Variants in OR9Q1 observed in about 807,000 individuals in gnomAD.
OR9Q1 encodes the protein olfactory receptor family 9 subfamily Q member 1, also known as olfactory receptor 9Q1.
For missense variants in OR9Q1, 374 were observed against 378.8 expected (o/e 0.99, Z 0.11); for synonymous variants, 153 against 148.6 (o/e 1.03, Z -0.22).
intron 2 of OR9Q1, chr11:58,119,554 G>T: frequency 2.8e-6 from 2 of 725,960 alleles, no homozygotes; most frequent in Non-Finnish European, 4.5e-6. Context: ...TTAATTCTGG[G>T]TCTATTTGTA....
intron 2 of OR9Q1, among the ~76,000 whole-genome samples, chr11:58,136,438 A>G (rs1234190622): frequency 1.3e-5 from 2 of 152,130 alleles, no homozygotes; most frequent in African/African-American, 4.8e-5. Context: ...CCAGCAACTC[A>G]GTTGATCTAA....
chr11:58,031,365 C>T, intron 1 of OR9Q1: 1 of 1,614,204 alleles, frequency 6.2e-7, no homozygotes, highest in Non-Finnish European at 8.5e-7. Context: ...CACTATGGGG[C>T]TTTTGTGTCC....
intron 2 of OR9Q1, among the ~76,000 whole-genome samples, chr11:58,172,371 TTGAA>T (rs1377788683): frequency 6.6e-6 from 1 of 152,190 alleles, no homozygotes; most frequent in African/African-American, 2.4e-5. Flanking sequence ...TACGATGTCA[TTGAA>T]TGTGTGTAGA....
intron 1 of OR9Q1, among the ~76,000 whole-genome samples, chr11:58,027,828 T>G (rs1328394821): frequency 1.3e-5 from 2 of 152,200 alleles, no homozygotes; most frequent in Non-Finnish European, 2.9e-5. Flanking sequence ...CAAGAGCAGA[T>G]CCTTTCAATG....
intron 2 of OR9Q1, among the ~76,000 whole-genome samples, chr11:58,061,385 G>A (rs548720661): frequency 7.1e-4 from 108 of 152,308 alleles, no homozygotes; most frequent in African/African-American, 2.6e-3. Flanking sequence ...GAGGGTTTAA[G>A]TACCAGGCCC....
chr11:58,075,558 T>G (rs1044899112), intron 2 of OR9Q1: 1 of 152,210 alleles, frequency 6.6e-6, no homozygotes, highest in Non-Finnish European at 1.5e-5. Context: ...ATTAGTTCCT[T>G]TCTGAAAGAG....
chr11:58,081,992 C>G (rs1171737029), intron 2 of OR9Q1, among the ~76,000 whole-genome samples: 1 of 151,944 alleles, frequency 6.6e-6, no homozygotes, highest in Non-Finnish European at 1.5e-5. Context: ...ATTTATGCAG[C>G]CAAAAGACAC....
At chr11:58,060,999 C>A (rs2167358) in intron 2 of OR9Q1, among the ~76,000 whole-genome samples, 1 of 151,930 alleles carries the variant, frequency 6.6e-6, no homozygotes, top group East Asian at 1.9e-4. Flanking sequence ...TGTTCGAGTT[C>A]ATGCCTTTTC....
chr11:58,091,560 C>G (rs1182593049), intron 2 of OR9Q1, among the ~76,000 whole-genome samples: 1 of 152,074 alleles, frequency 6.6e-6, no homozygotes, highest in East Asian at 1.9e-4. Flanking sequence ...TGTTTTACTT[C>G]TAATTATGTG....
intron 2 of OR9Q1, among the ~76,000 whole-genome samples, chr11:58,069,883 C>A (rs1359549218): frequency 6.6e-6 from 1 of 151,704 alleles, no homozygotes; most frequent in East Asian, 2.0e-4. Flanking sequence ...CAACAAAAAA[C>A]CAAACCAAAC....
chr11:58,034,990 G>A (rs1489089912), intron 1 of OR9Q1, among the ~76,000 whole-genome samples: 2 of 151,760 alleles, frequency 1.3e-5, no homozygotes, highest in Admixed American at 6.6e-5. Flanking sequence ...ATCAAACCTG[G>A]CTAATTTTTA....
At chr11:58,128,766 T>C (rs1027066624) in intron 2 of OR9Q1, among the ~76,000 whole-genome samples, 2 of 152,150 alleles carry the variant, frequency 1.3e-5, no homozygotes, top group Non-Finnish European at 2.9e-5. Context: ...CTACATAAAA[T>C]GTTAAAAATT....
At chr11:58,089,291 A>G (rs1853662280) in intron 2 of OR9Q1, among the ~76,000 whole-genome samples, 1 of 151,824 alleles carries the variant, frequency 6.6e-6, no homozygotes, top group East Asian at 1.9e-4. Context: ...TTTACATTTA[A>G]GTCTTTAATC....
chr11:58,085,669 T>TA (rs1853627458), intron 2 of OR9Q1, among the ~76,000 whole-genome samples: 1 of 151,890 alleles, frequency 6.6e-6, no homozygotes, highest in Non-Finnish European at 1.5e-5. Flanking sequence ...TATTCTTTTT[T>TA]AAAAAATTAT....
Position 58,030,989 on chromosome 11 carries a change from G to A in OR9Q1, c.-93+6885G>A, listed in dbSNP as rs1853026870. ...TACCAAAAACTGGACCCAGGTAACT[G>A]AATTTGTCATGATGGGCTTTGCTGG... On this transcript the variant is annotated intron_variant, in intron 1 of 2. Transcript: ENST00000335397. 5 of 1,614,020 alleles carry A rather than the reference G, an allele frequency of 3.1e-6. No individual in the cohort carries two copies. In the East Asian group the frequency reaches 1.1e-4, roughly 36 times the overall value.
At chr11:58,099,306 CAT>C (rs1266449255) in intron 2 of OR9Q1, among the ~76,000 whole-genome samples, 10 of 147,438 alleles carry the variant, frequency 6.8e-5, no homozygotes, top group Admixed American at 1.4e-4. Context: ...AAATATATAA[CAT>C]AATATAATAT....
At chr11:58,123,074 G>A (rs1051638939) in intron 2 of OR9Q1, among the ~76,000 whole-genome samples, 1 of 151,774 alleles carries the variant, frequency 6.6e-6, no homozygotes, top group Non-Finnish European at 1.5e-5. Flanking sequence ...AATTCTGAAA[G>A]CAGCCCTTTA....
intron 2 of OR9Q1, among the ~76,000 whole-genome samples, chr11:58,161,213 G>T (rs925069731): frequency 6.7e-6 from 1 of 149,784 alleles, no homozygotes; most frequent in Non-Finnish European, 1.5e-5. Context: ...TGCATGTTGT[G>T]CACATGTACC....
At chr11:58,099,065 T>C (rs1853758814) in intron 2 of OR9Q1, among the ~76,000 whole-genome samples, 3 of 152,002 alleles carry the variant, frequency 2.0e-5, no homozygotes, top group Admixed American at 2.0e-4. Context: ...TTTCAATCCT[T>C]TGTGATTTAT....
Sources: allele counts gnomAD v4.1 joint callset (sites outside exome capture counted in the v4.1 genomes callset), GRCh38; gene constraint gnomAD v4.1.1; transcripts MANE v1.5; gene names NCBI Gene and HGNC (gene_info 2026-07-23, HGNC 2026-07-21).